The following CRAMP1 variants were observed in gnomAD, a reference collection of about 807,000 sequenced individuals.
CRAMP1 encodes the protein cramped chromatin regulator 1.
In CRAMP1, 50 loss-of-function variants were observed where a neutral mutation model predicts 115.4. The observed-to-expected ratio is 0.43, with a 90% CI of 0.35 to 0.55. CRAMP1 has a LOEUF of 0.55. CRAMP1 is among the 20% of genes least tolerant of loss of function. CRAMP1 has a pLI of 0.01. For synonymous variants in CRAMP1, 866 were observed against 745.4 expected, an observed-to-expected ratio of 1.16 and a Z score of -2.64; for missense variants, 1,679 against 1,721.7, an observed-to-expected ratio of 0.98 and a Z score of 0.44.
intron 6 of CRAMP1, chr16:1,647,145 G>C (rs904592099): frequency 2.9e-6 from 2 of 689,614 alleles, no homozygotes; most frequent in Non-Finnish European, 5.3e-6. Flanking sequence ...ACTTGCTGTC[G>C]CCTCTACCTC....
In CRAMP1 at chr16:1,656,539, G is replaced by A. The variant is rs73499790; in HGVS notation, c.1782G>A (p.Ala594=). The change falls in exon 10 of 21, where the codon GCG becomes GCA. Residue 594 remains alanine, a synonymous_variant. Transcript: ENST00000397412. The surrounding 1 kb of genome is among the most constrained non-coding windows in gnomAD (Gnocchi z 5.6). Reference sequence around the variant, plus strand: ...GCGAGCAGCCCCCTCTGGGCGGGGCGGCCTCCCCAGAGGTGCTGGCTCCTG... The same window carrying A: ...GCGAGCAGCCCCCTCTGGGCGGGGCAGCCTCCCCAGAGGTGCTGGCTCCTG... ...PGSEQPPLGG[A]ASPEVLAPVS... 1.4e-4 allele frequency: 221 copies of A among 1,557,760 alleles called. 1 individual carries two copies. The East Asian group carries it at 4.7e-3, about 33-fold the overall frequency.
At chr16:1,643,174 ATGACAGGGT>A (rs2036647010) in intron 6 of CRAMP1, among the ~76,000 whole-genome samples, 1 of 152,056 alleles carries the variant, frequency 6.6e-6, no homozygotes, top group African/African-American at 2.4e-5. Context: ...CTCCCGAGTG[ATGACAGGGT>A]TGTGGCTTGC....
At chr16:1,651,853 GGT>G (rs987244310) in intron 6 of CRAMP1, among the ~76,000 whole-genome samples, 4 of 151,618 alleles carry the variant, frequency 2.6e-5, no homozygotes, top group Non-Finnish European at 5.9e-5. Context: ...GTCACAGAAA[GGT>G]GGACTGAGGT....
intron 3 of CRAMP1, 36 bp downstream of exon 3, chr16:1,626,202 G>C (rs766341268): frequency 6.9e-7 from 1 of 1,447,020 alleles, no homozygotes; most frequent in East Asian, 2.6e-5. Context: ...AGGCAGCCTG[G>C]GCGTCCCTCT....
chr16:1,660,689 A>G (rs1284761945), intron 11 of CRAMP1, among the ~76,000 whole-genome samples: 1 of 152,230 alleles, frequency 6.6e-6, no homozygotes, highest in Admixed American at 6.5e-5. Flanking sequence ...CATGGTTAGA[A>G]TGGTGAATTT....
At chr16:1,667,108 GACTTT>G (rs1438160167) in intron 16 of CRAMP1, among the ~76,000 whole-genome samples, 1 of 152,194 alleles carries the variant, frequency 6.6e-6, no homozygotes, top group African/African-American at 2.4e-5. Flanking sequence ...TTCCTGATAG[GACTTT>G]ACTTCACTCT....
rs530222401 is a variant in CRAMP1, at chr16:1,673,447, T to C, written c.3646-434T>C. On this transcript the variant is annotated intron_variant, in intron 20 of 20. Coordinates refer to ENST00000397412, the MANE Select transcript of CRAMP1 (RefSeq NM_020825.4). Reference sequence around the variant, plus strand: ...ACGTGTCCCCCACGTATCCTCGGGTTTTACCCCACCTCCCGCTCAGGTCCC... The same window carrying C: ...ACGTGTCCCCCACGTATCCTCGGGTCTTACCCCACCTCCCGCTCAGGTCCC... 1.5e-4 allele frequency among the ~76,000 whole-genome samples: 23 copies of C among 152,356 alleles called. No homozygotes were observed. In the East Asian group the frequency reaches 2.9e-3, roughly 19 times the overall value.
In CRAMP1 at chr16:1,614,777, G is replaced by A. The variant is rs990019394; in HGVS notation, c.138G>A (p.Lys46=). 8 of 1,357,296 alleles carry A rather than the reference G, an allele frequency of 5.9e-6. No homozygotes were observed. The Admixed American group carries it at 2.1e-4, about 36-fold the overall frequency. The allele number at this position is 1,357,296 out of a possible 1,614,324, so 84.1% of individuals were successfully genotyped here. A position where few individuals can be genotyped will look rare whatever the true frequency, so the allele number is the denominator to read the frequency against. The change falls in exon 2 of 21, where the codon AAG becomes AAA. Residue 46 remains lysine, a synonymous_variant. Coordinates refer to ENST00000397412, the MANE Select transcript of CRAMP1 (RefSeq NM_020825.4). The surrounding 1 kb of genome is among the most constrained non-coding windows in gnomAD (Gnocchi z 4.4). The part of the protein sequence containing the change: ...ADAAEESSGT[K]RDEKTPRAGA... ...CGGCCGAGGAGAGCAGCGGCACAAA[G>A]AGGGACGAGAAGACCCCCCGGGCCG...
chr16:1,646,240 G>A (rs1035517066), intron 6 of CRAMP1, among the ~76,000 whole-genome samples: 1 of 152,234 alleles, frequency 6.6e-6, no homozygotes, highest in Non-Finnish European at 1.5e-5. Flanking sequence ...TTTGCCTCCA[G>A]GTTTTTGTGT....
intron 3 of CRAMP1, among the ~76,000 whole-genome samples, chr16:1,631,084 C>G (rs1474005964): frequency 6.6e-6 from 1 of 152,228 alleles, no homozygotes; most frequent in East Asian, 1.9e-4. Flanking sequence ...GCTGCCTTTT[C>G]CCTGAAGCAG....
intron 3 of CRAMP1, among the ~76,000 whole-genome samples, chr16:1,629,065 C>G (rs2036528450): frequency 6.6e-6 from 1 of 152,230 alleles, no homozygotes; most frequent in Non-Finnish European, 1.5e-5. Flanking sequence ...CTGCACAGAC[C>G]CAGCCCTGAC....
At chr16:1,648,463 G>T (rs1263764277) in intron 6 of CRAMP1, among the ~76,000 whole-genome samples, 1 of 152,142 alleles carries the variant, frequency 6.6e-6, no homozygotes, top group Non-Finnish European at 1.5e-5. Context: ...AAATTAGCCA[G>T]GGGTGGTGGT....
At chr16:1,654,302 C>G (rs2036750878) in intron 8 of CRAMP1, among the ~76,000 whole-genome samples, 1 of 151,306 alleles carries the variant, frequency 6.6e-6, no homozygotes, top group Non-Finnish European at 1.5e-5. Context: ...ACCTCCGTCT[C>G]CCACGTTTAA....
intron 6 of CRAMP1, among the ~76,000 whole-genome samples, chr16:1,648,744 G>T (rs534873485): frequency 1.3e-5 from 2 of 152,116 alleles, no homozygotes; most frequent in East Asian, 3.9e-4. Flanking sequence ...GTGTATTTCA[G>T]CTGGGTTAAG....
chr16:1,626,660 C>T (rs1348103345), intron 3 of CRAMP1, among the ~76,000 whole-genome samples: 1 of 152,204 alleles, frequency 6.6e-6, no homozygotes. Flanking sequence ...CCTGACCCCA[C>T]CGCCCAGTGA....
chr16:1,674,073 C>G lies in CRAMP1; in HGVS notation c.*28C>G, dbSNP rs2036946448. 19 of 1,604,998 alleles carry G rather than the reference C, an allele frequency of 1.2e-5. No individual in the cohort carries two copies. The highest frequency in any genetic ancestry group is 1.5e-5 in the Non-Finnish European group (18 of 1,176,384). ...ACACGTCCTGGTGGCGGATGAAGCCCTCTTCGAGCTAGAGAAAAATAGATA... is the reference window on the plus strand; with the variant it reads ...ACACGTCCTGGTGGCGGATGAAGCCGTCTTCGAGCTAGAGAAAAATAGATA... On this transcript the variant is annotated 3_prime_UTR_variant, in exon 21 of 21. Transcript: ENST00000397412.
At position 1,675,028 on chromosome 16, in the gene CRAMP1, C is replaced by T. The variant is rs2036955479; in HGVS notation, c.*983C>T. The T allele has an allele frequency of 1.3e-5, 2 of 152,250 alleles. No individual in the cohort carries two copies. Among genetic ancestry groups the T allele is most frequent in the African/African-American group, 4.8e-5 (2 of 41,450 alleles). The allele number at this position is 152,250 out of a possible 1,614,324, so 9.4% of individuals were successfully genotyped here. A position where few individuals can be genotyped will look rare whatever the true frequency, so the allele number is the denominator to read the frequency against. ...CTCACGGGCATTGGTGTGGGCGTGCCTGACATACGTGTTCAGTCCCTTGCA... is the reference window on the plus strand; with the variant it reads ...CTCACGGGCATTGGTGTGGGCGTGCTTGACATACGTGTTCAGTCCCTTGCA... On this transcript the variant is annotated 3_prime_UTR_variant, in exon 21 of 21. Transcript: ENST00000397412.
rs2036612015 is a variant in CRAMP1, at chr16:1,639,155, G to C, written c.778+1248G>C. On this transcript the variant is annotated intron_variant, in intron 5 of 20. Coordinates refer to ENST00000397412, the MANE Select transcript of CRAMP1 (RefSeq NM_020825.4). ...TGACCATGTGTTCCCACTCCTTGTTGCCTGGTCCTTTTGCACCACTGCTTG... is the reference window on the plus strand; with the variant it reads ...TGACCATGTGTTCCCACTCCTTGTTCCCTGGTCCTTTTGCACCACTGCTTG... Among the ~76,000 whole-genome samples the C allele has an allele frequency of 1.3e-5, 2 of 152,054 alleles. 1 individual carries two copies. The highest frequency in any genetic ancestry group is 4.8e-5 in the African/African-American group (2 of 41,380).
At chr16:1,652,910 C>A in intron 7 of CRAMP1, 123 bp from the exon 8 acceptor site, 1 of 1,206,328 alleles carries the variant, frequency 8.3e-7, no homozygotes, top group Non-Finnish European at 1.2e-6. Context: ...TCTCTGCTCT[C>A]CTTGCCTCTG....
Sources: allele counts gnomAD v4.1 joint callset (sites outside exome capture counted in the v4.1 genomes callset), GRCh38; gene constraint gnomAD v4.1.1; non-coding constraint Gnocchi (gnomAD v3.1); transcripts MANE v1.5; gene names NCBI Gene and HGNC (gene_info 2026-07-23, HGNC 2026-07-21).